CA5A: variants seen among roughly 807,000 people sequenced by gnomAD.
The protein encoded by CA5A is carbonic anhydrase 5A, mitochondrial.
A neutral mutation model predicts 37.1 loss-of-function variants in CA5A; 28 were observed. The observed-to-expected ratio is 0.75, with a 90% confidence interval of 0.56 to 1.03. The LOEUF (loss-of-function observed/expected upper bound fraction) is 1.03, where lower values mean the gene tolerates loss of function less well. CA5A is among the 50% of genes least tolerant of loss of function. The pLI is 0.00. For synonymous variants in CA5A, 171 were observed against 158.4 expected (o/e 1.08, Z -0.60); for missense variants, 444 against 399.9 (o/e 1.11, Z -0.94).
chr16:87,895,145 G>A (rs149323301), intron 5 of CA5A, among the ~76,000 whole-genome samples: 1,628 of 152,332 alleles, frequency 0.011, 33 homozygotes, highest in African/African-American at 0.037. Flanking sequence ...AGGTAGTTGG[G>A]AGGCTGAGGT....
chr16:87,906,482 C>T (rs2055963251), intron 2 of CA5A, among the ~76,000 whole-genome samples: 1 of 152,062 alleles, frequency 6.6e-6, no homozygotes, highest in Non-Finnish European at 1.5e-5. Flanking sequence ...CAAAAATTAG[C>T]TGGGTGTGGT....
intron 5 of CA5A, among the ~76,000 whole-genome samples, chr16:87,892,552 T>A (rs1193448346): frequency 2.4e-5 from 3 of 125,626 alleles, no homozygotes; most frequent in Non-Finnish European, 5.1e-5. Flanking sequence ...ATAATAATAA[T>A]AATAAATTAA....
At chr16:87,893,146 C>CTTTCT in intron 5 of CA5A, 25 of 386,158 alleles carry the variant, frequency 6.5e-5, no homozygotes, top group South Asian at 2.8e-4. Context: ...TTCTTTCTTT[C>CTTTCT]TTTTTTTTTT....
At chr16:87,910,852 C>T (rs1420342104) in intron 2 of CA5A, among the ~76,000 whole-genome samples, 1 of 152,090 alleles carries the variant, frequency 6.6e-6, no homozygotes, top group African/African-American at 2.4e-5. Context: ...TGAGCTCAAG[C>T]GATTCTCTCA....
intron 5 of CA5A, among the ~76,000 whole-genome samples, chr16:87,897,145 C>T (rs564436187): frequency 1.3e-5 from 2 of 152,360 alleles, no homozygotes; most frequent in Admixed American, 6.5e-5. Context: ...GCTGCCAAAG[C>T]TAGAAGAGCC....
chr16:87,916,326 A>G (rs1430639043), intron 2 of CA5A, among the ~76,000 whole-genome samples: 1 of 152,120 alleles, frequency 6.6e-6, no homozygotes, highest in East Asian at 1.9e-4. Flanking sequence ...ACACTACACT[A>G]CATTTTTAGT....
chr16:87,917,119 AAAG>A (rs1174256072), intron 2 of CA5A, among the ~76,000 whole-genome samples: 7 of 77,152 alleles, frequency 9.1e-5, no homozygotes, highest in African/African-American at 5.8e-4. Context: ...AAAAAAAAAA[AAAG>A]AAAAGAAAAG....
In CA5A at chr16:87,893,855, C is replaced by T. The variant is rs146827942; in HGVS notation, c.619-1901G>A. ...TGATGCCATCATAGCTCACTGCAGG[C>T]TCTAATTCCTGGGCTCAAGCGATCC... On this transcript the variant is annotated intron_variant, in intron 5 of 6. Transcript: ENST00000649794. The T allele has an allele frequency of 2.5e-3, 658 of 263,192 alleles. 5 individuals are homozygous for T. The highest frequency in any genetic ancestry group is 0.014 in the African/African-American group (602 of 43,592). 16.3% of individuals were successfully genotyped at this position (263,192 alleles called of 1,614,324 possible). A position where few individuals can be genotyped will look rare whatever the true frequency, so the allele number is the denominator to read the frequency against.
At chr16:87,887,042 A>C (rs1021156390), downstream of CA5A, 1 of 151,992 alleles carries the variant, frequency 6.6e-6, no homozygotes, top group Non-Finnish European at 1.5e-5. Flanking sequence ...AGCTGGGATT[A>C]CAGGCATGAG....
chr16:87,891,769 G>A (rs760869987), intron 6 of CA5A, 30 bp downstream of exon 6: 6 of 1,464,832 alleles, frequency 4.1e-6, no homozygotes, highest in East Asian at 5.4e-5. Flanking sequence ...TCCATGAAGC[G>A]CCATCGTGCC....
chr16:87,923,094 C>T (rs1440216348), intron 2 of CA5A, among the ~76,000 whole-genome samples: 1 of 152,250 alleles, frequency 6.6e-6, no homozygotes, highest in Non-Finnish European at 1.5e-5. Context: ...GCAGTCGCCC[C>T]TTCTCTGAGC....
chr16:87,904,271 G>C (rs1025120718), intron 3 of CA5A, among the ~76,000 whole-genome samples: 13 of 151,992 alleles, frequency 8.6e-5, no homozygotes, highest in African/African-American at 2.9e-4. Flanking sequence ...GAGCCTGGGA[G>C]ACGGAGGTTG....
intron 3 of CA5A, among the ~76,000 whole-genome samples, chr16:87,904,302 A>G (rs958601744): frequency 1.2e-4 from 19 of 152,044 alleles, no homozygotes; most frequent in Non-Finnish European, 1.5e-4. Context: ...AGATTGCACC[A>G]ATGCACTCCA....
At chr16:87,893,498 C>A (rs1008999243) in intron 5 of CA5A, 22 of 555,438 alleles carry the variant, frequency 4.0e-5, no homozygotes, top group Middle Eastern at 5.8e-4. Context: ...CTTCATCTGT[C>A]CCTGGAAACT....
chr16:87,911,412 C>T lies in CA5A; in HGVS notation c.341-6508G>A, dbSNP rs1368149326. 6.6e-6 allele frequency among the ~76,000 whole-genome samples: 1 copy of T among 152,196 alleles called. No individual in the cohort carries two copies. The highest frequency in any genetic ancestry group is 1.5e-5 in the Non-Finnish European group (1 of 68,048). ...TACAACAGATGCTGTTAATAGCCAT[C>T]TATTTGTAGTTCGGGGCTTTTACCA... On this transcript the variant is annotated intron_variant, in intron 2 of 6. Transcript: ENST00000649794. The surrounding 1 kb of genome is among the most constrained non-coding windows in gnomAD (Gnocchi z 4.6).
At position 87,906,955 on chromosome 16, in the gene CA5A, G is replaced by A. The variant is rs373083803; in HGVS notation, c.341-2051C>T. ...TGTTAGGCCAGGCACAGTGGCTCAC[G>A]CCTGTAATCCTAGCACTTTGGGAGG... On this transcript the variant is annotated intron_variant, in intron 2 of 6. Coordinates refer to ENST00000649794, the MANE Select transcript of CA5A (RefSeq NM_001739.2). Among the ~76,000 whole-genome samples the A allele has an allele frequency of 1.6e-4, 25 of 152,012 alleles. No individual in the cohort carries two copies. In the East Asian group the frequency reaches 2.5e-3, roughly 15 times the overall value.
chr16:87,917,727 A>ATGTG (rs1274311069), intron 2 of CA5A, among the ~76,000 whole-genome samples: 28 of 122,806 alleles, frequency 2.3e-4, no homozygotes, highest in Admixed American at 9.1e-4. Flanking sequence ...ACACGTGCAC[A>ATGTG]CACACATGAA....
At chr16:87,919,837 G>C (rs2056206511) in intron 2 of CA5A, among the ~76,000 whole-genome samples, 1 of 152,174 alleles carries the variant, frequency 6.6e-6, no homozygotes, top group South Asian at 2.1e-4. Flanking sequence ...GCTGGCTCTG[G>C]AGCTGACTTT....
At chr16:87,934,403 T>C (rs1313923479) in intron 1 of CA5A, among the ~76,000 whole-genome samples, 1 of 152,036 alleles carries the variant, frequency 6.6e-6, no homozygotes. Context: ...TCCCTGTATC[T>C]ACTAAAAATA....
Sources: allele counts gnomAD v4.1 joint callset (sites outside exome capture counted in the v4.1 genomes callset), GRCh38; gene constraint gnomAD v4.1.1; non-coding constraint Gnocchi (gnomAD v3.1); transcripts MANE v1.5; gene names NCBI Gene and HGNC (gene_info 2026-07-23, HGNC 2026-07-21).